KATNAL1: variants seen among roughly 807,000 people sequenced by gnomAD.
KATNAL1 encodes the protein katanin catalytic subunit A1 like 1, also known as katanin p60 ATPase-containing subunit A-like 1.
In KATNAL1, 32 loss-of-function variants were observed where a neutral mutation model predicts 55.2. That is an observed-to-expected ratio of 0.58 (90% CI 0.44 to 0.78). The LOEUF (loss-of-function observed/expected upper bound fraction) is 0.78. Ranked by LOEUF, KATNAL1 falls within the 30% of genes least tolerant of loss-of-function variation. The probability of loss-of-function intolerance (pLI) is 0.00; values close to 1 mark genes in which losing one functional copy is unlikely to be tolerated. For synonymous variants in KATNAL1, 193 were observed against 193.6 expected, an observed-to-expected ratio of 1.00 and a Z score of 0.02; for missense variants, 466 against 600.9, an observed-to-expected ratio of 0.78 and a Z score of 2.35.
At chr13:30,210,015 C>G (rs1873517665) in intron 10 of KATNAL1, among the ~76,000 whole-genome samples, 1 of 152,180 alleles carries the variant, frequency 6.6e-6, no homozygotes, top group African/African-American at 2.4e-5. Flanking sequence ...ATCTCCTGAC[C>G]TCGTGATCCA....
intron 1 of KATNAL1, among the ~76,000 whole-genome samples, chr13:30,298,820 A>T (rs963709614): frequency 6.6e-6 from 1 of 152,158 alleles, no homozygotes; most frequent in African/African-American, 2.4e-5. Context: ...TAAGTAAATA[A>T]GATTAAGAAA....
intron 3 of KATNAL1, among the ~76,000 whole-genome samples, chr13:30,274,907 G>GCGCGCACACACACACACA (rs869107567): frequency 9.5e-6 from 1 of 105,390 alleles, no homozygotes; most frequent in African/African-American, 4.1e-5. Flanking sequence ...GCGCGCGCGC[G>GCGCGCACACACACACACA]CACACACACA....
In KATNAL1 at chr13:30,307,456, G is replaced by T. The variant is rs1468263686; in HGVS notation, c.-140C>A. The T allele has an allele frequency of 2.6e-5, 4 of 152,350 alleles. No homozygotes were observed. The highest frequency in any genetic ancestry group is 2.6e-4 in the Admixed American group (4 of 15,280). The allele number at this position is 152,350 out of a possible 1,614,324, so 9.4% of individuals were successfully genotyped here. A position where few individuals can be genotyped will look rare whatever the true frequency, so the allele number is the denominator to read the frequency against. On this transcript the variant is annotated 5_prime_UTR_variant, in exon 1 of 11. Coordinates refer to ENST00000380615, the MANE Select transcript of KATNAL1 (RefSeq NM_032116.5). ...CGACGTGCGTGAAAAGGCGGCGGCG[G>T]CGTAGTGTTGCCATGGCAGCCGCGG... is the stretch of plus-strand genomic sequence containing the variant.
rs199867454 is a variant in KATNAL1 at position 30,210,115 on chromosome 13, G to A, written c.1274+201C>T. Among the ~76,000 whole-genome samples, 10 of 150,588 alleles carry A rather than the reference G, an allele frequency of 6.6e-5. No individual in the cohort carries two copies. In the East Asian group the frequency reaches 7.8e-4, roughly 12 times the overall value. ...AAATCCAAAGATCAAAAACATCAAC[G>A]ACCACTGCTATATAATTTTCATCTC... is the stretch of plus-strand genomic sequence containing the variant. On this transcript the variant is annotated intron_variant, in intron 10 of 10. Transcript: ENST00000380615.
At chr13:30,242,669 G>A (rs1476796640) in intron 4 of KATNAL1, among the ~76,000 whole-genome samples, 1 of 152,078 alleles carries the variant, frequency 6.6e-6, no homozygotes, top group East Asian at 1.9e-4. Flanking sequence ...CGGGGTAGAG[G>A]AGGAGAATCA....
chr13:30,286,531 G>A (rs1344534243), intron 1 of KATNAL1, among the ~76,000 whole-genome samples: 2 of 152,266 alleles, frequency 1.3e-5, no homozygotes, highest in African/African-American at 4.8e-5. Flanking sequence ...TTCAGAGGAT[G>A]TATGGAAATG....
intron 9 of KATNAL1, among the ~76,000 whole-genome samples, chr13:30,221,329 C>T (rs1026094745): frequency 6.6e-6 from 1 of 152,224 alleles, no homozygotes. Context: ...TATTGGCCAA[C>T]AGGCAGTGAA....
intron 3 of KATNAL1, among the ~76,000 whole-genome samples, chr13:30,266,389 TA>T (rs1879786504): frequency 1.3e-5 from 2 of 152,260 alleles, no homozygotes; most frequent in South Asian, 4.1e-4. Flanking sequence ...CCAACATTTA[TA>T]AATTTAATAT....
At position 30,231,454 on chromosome 13, in the gene KATNAL1, G is replaced by A; in HGVS notation, c.745C>T (p.Pro249Ser). Residue 249 changes from proline to serine, a missense_variant, in exon 7 of 11, where the codon CCC becomes TCC. Physicochemically the swap from Pro to Ser is moderately conservative, Grantham distance 74. Transcript: ENST00000380615. Reference protein sequence around the residue: ...RPWKGVLMVGPPGTGKTMLAK... With the variant: ...RPWKGVLMVGSPGTGKTMLAK... ...AGCATAGTTTTACCAGTGCCTGGGGGTCCAACCATCAGTACACCCTGAAAT... is the reference window on the plus strand; with the variant it reads ...AGCATAGTTTTACCAGTGCCTGGGGATCCAACCATCAGTACACCCTGAAAT... 1 of 1,571,420 alleles carries A rather than the reference G, an allele frequency of 6.4e-7. No homozygotes were observed. Among genetic ancestry groups the A allele is most frequent in the Non-Finnish European group, 8.6e-7 (1 of 1,158,736 alleles).
rs1194475433 is a variant in KATNAL1, at chr13:30,240,559, GTCA to G, written c.624_626del (p.Asp209del). 1 of 1,609,282 alleles carries G rather than the reference GTCA, an allele frequency of 6.2e-7. No homozygotes were observed. Among genetic ancestry groups the G allele is most frequent in the African/African-American group, 1.3e-5 (1 of 74,826 alleles). ...TCTTAGCTTCTTCCAGATCTGCTAT[GTCA>G]TCCCTTTGAAAGAACAGCAAACTTT... On this transcript the variant is annotated inframe_deletion, in exon 6 of 11. Coordinates refer to ENST00000380615, the MANE Select transcript of KATNAL1 (RefSeq NM_032116.5).
chr13:30,266,503 TCTC>T (rs1193583683), intron 3 of KATNAL1, among the ~76,000 whole-genome samples: 4 of 152,160 alleles, frequency 2.6e-5, no homozygotes, highest in Non-Finnish European at 5.9e-5. Flanking sequence ...ATATTAAATT[TCTC>T]CTAAGAGTTC....
intron 4 of KATNAL1, among the ~76,000 whole-genome samples, chr13:30,248,761 CTAA>C (rs1878022819): frequency 6.6e-6 from 1 of 152,120 alleles, no homozygotes; most frequent in South Asian, 2.1e-4. Flanking sequence ...CCCATCTCTA[CTAA>C]TAATACAAAA....
intron 3 of KATNAL1, among the ~76,000 whole-genome samples, chr13:30,259,433 G>C (rs1302342842): frequency 6.6e-6 from 1 of 152,186 alleles, no homozygotes; most frequent in Non-Finnish European, 1.5e-5. Context: ...CAAAAGACCA[G>C]TGATTTCTGC....
chr13:30,280,306 C>A, intron 2 of KATNAL1, 83 bp from the exon 3 acceptor site: 2 of 1,060,306 alleles, frequency 1.9e-6, no homozygotes, highest in Non-Finnish European at 2.6e-6. Context: ...ATAGAGTGCA[C>A]GTTTTCTTAA....
At chr13:30,274,901 GCGCGCGCACACACACACACA>G (rs1190355077) in intron 3 of KATNAL1, among the ~76,000 whole-genome samples, 13 of 111,406 alleles carry the variant, frequency 1.2e-4, no homozygotes, top group South Asian at 2.9e-4. Context: ...ACGCGCGCGC[GCGCGCGCACACACACACACA>G]CACACACACA....
chr13:30,288,411 G>A lies in KATNAL1; in HGVS notation c.-14-4620C>T, dbSNP rs369050345. The stretch of plus-strand genomic sequence containing the variant: ...AGTTCTAAAAAATGCTGCTGAAACT[G>A]TAGTTTGAACTCAGAAAACATACCT... On this transcript the variant is annotated intron_variant, in intron 1 of 10. Transcript: ENST00000380615. Among the ~76,000 whole-genome samples, 13 of 152,282 alleles carry A rather than the reference G, an allele frequency of 8.5e-5. No homozygotes were observed. The East Asian group carries it at 1.2e-3, about 14-fold the overall frequency.
At position 30,256,613 on chromosome 13, in the gene KATNAL1, G is replaced by C. The variant is rs150960864; in HGVS notation, c.324-998C>G. ...GAGTTCCGTTCCTCATATCAGAAAA[G>C]GTGACACATATGCATAATTCAAAGA... is the stretch of plus-strand genomic sequence containing the variant. On this transcript the variant is annotated intron_variant, in intron 3 of 10. Transcript: ENST00000380615. 1.6e-3 allele frequency among the ~76,000 whole-genome samples: 245 copies of C among 151,936 alleles called. 1 individual carries two copies. The highest frequency in any genetic ancestry group is 5.4e-3 in the African/African-American group (225 of 41,398).
At chr13:30,228,442 T>C (rs1875737276) in intron 8 of KATNAL1, among the ~76,000 whole-genome samples, 1 of 151,970 alleles carries the variant, frequency 6.6e-6, no homozygotes, top group Non-Finnish European at 1.5e-5. Flanking sequence ...CTTCGGTCAT[T>C]ATGACAAAGA....
intron 3 of KATNAL1, among the ~76,000 whole-genome samples, chr13:30,261,973 G>A (rs1363593654): frequency 6.6e-6 from 1 of 152,124 alleles, no homozygotes; most frequent in Non-Finnish European, 1.5e-5. Context: ...TGGAAGTAAA[G>A]TTCTCCTCAT....
Sources: allele counts gnomAD v4.1 joint callset (sites outside exome capture counted in the v4.1 genomes callset), GRCh38; gene constraint gnomAD v4.1.1; transcripts MANE v1.5; gene names NCBI Gene and HGNC (gene_info 2026-07-23, HGNC 2026-07-21).